Variants in KIRREL3 observed in about 807,000 individuals in gnomAD.
The protein encoded by KIRREL3 is kirre like nephrin family adhesion molecule 3.
KIRREL3 carries 36 observed loss-of-function variants against 89.7 expected under a neutral mutation model. That is an observed-to-expected ratio of 0.40 (90% CI 0.31 to 0.53). The LOEUF (loss-of-function observed/expected upper bound fraction) is 0.53. Ranked by LOEUF, KIRREL3 falls within the 20% of genes least tolerant of loss-of-function variation. The probability of loss-of-function intolerance (pLI) is 0.49; values close to 1 mark genes in which losing one functional copy is unlikely to be tolerated. For missense variants in KIRREL3, 864 were observed against 1,056.6 expected, an observed-to-expected ratio of 0.82 and a Z score of 2.53; for synonymous variants, 445 against 441.4, an observed-to-expected ratio of 1.01 and a Z score of -0.10.
At chr11:126,833,375 G>T (rs912051685) in intron 1 of KIRREL3, among the ~76,000 whole-genome samples, 1 of 152,184 alleles carries the variant, frequency 6.6e-6, no homozygotes, top group East Asian at 1.9e-4. Flanking sequence ...AGACCAGTTT[G>T]CCCACTGCAG....
rs776728665 is a variant in KIRREL3, at chr11:126,578,801, C to G, written c.56-15889G>C. 6.6e-6 allele frequency among the ~76,000 whole-genome samples: 1 copy of G among 152,180 alleles called. No homozygotes were observed. Among genetic ancestry groups the G allele is most frequent in the Non-Finnish European group, 1.5e-5 (1 of 68,026 alleles). ...TCCCTGGAGATGTAAAAGTTCCAGG[C>G]TCTCCTACCACACCTAGGCTGGACT... On this transcript the variant is annotated intron_variant, in intron 1 of 16. Transcript: ENST00000525144. The surrounding 1 kb of genome is among the most constrained non-coding windows in gnomAD (Gnocchi z 4.9).
At chr11:127,001,573 T>C (rs1366312949), upstream of KIRREL3, among the ~76,000 whole-genome samples, 1 of 152,050 alleles carries the variant, frequency 6.6e-6, no homozygotes, top group Non-Finnish European at 1.5e-5. Context: ...TGAGTCCAAT[T>C]GCAAAGGAGA....
intron 12 of KIRREL3, among the ~76,000 whole-genome samples, chr11:126,436,493 A>G (rs35689796): frequency 0.43 from 64,834 of 152,214 alleles, 14,580 homozygotes; most frequent in Non-Finnish European, 0.49. Context: ...TCTGGAGGCT[A>G]CTGGGCAGCT....
rs1430449735 is a variant in KIRREL3 at position 126,655,902 on chromosome 11, C to G, written c.56-92990G>C. ...ACGTGACTTTCTCTTATTTTTTGTT[C>G]CTGACACTGTTTGCACTGACTAAGA... On this transcript the variant is annotated intron_variant, in intron 1 of 16. Coordinates refer to ENST00000525144, the MANE Select transcript of KIRREL3 (RefSeq NM_032531.4). The surrounding 1 kb of genome is among the most constrained non-coding windows in gnomAD (Gnocchi z 5.0). Among the ~76,000 whole-genome samples the G allele has an allele frequency of 1.3e-5, 2 of 152,118 alleles. No homozygotes were observed. The highest frequency in any genetic ancestry group is 3.9e-4 in the East Asian group (2 of 5,178).
At chr11:126,777,653 T>C (rs185035939) in intron 1 of KIRREL3, among the ~76,000 whole-genome samples, 1 of 152,322 alleles carries the variant, frequency 6.6e-6, no homozygotes, top group Admixed American at 6.5e-5. Flanking sequence ...TTTTACCACC[T>C]ACAGGATAAA....
chr11:126,491,770 C>T lies in KIRREL3; in HGVS notation c.434-18304G>A, dbSNP rs930081600. On this transcript the variant is annotated intron_variant, in intron 4 of 16. Coordinates refer to ENST00000525144, the MANE Select transcript of KIRREL3 (RefSeq NM_032531.4). The surrounding 1 kb of genome is among the most constrained non-coding windows in gnomAD (Gnocchi z 5.5). The stretch of plus-strand genomic sequence containing the variant: ...AAGCTGGAGTTCAGTGGCATGATCT[C>T]GGCTCACTGCAACCTCCACCTCCCA... Among the ~76,000 whole-genome samples, 48 of 152,096 alleles carry T rather than the reference C, an allele frequency of 3.2e-4. No individual in the cohort carries two copies. Among genetic ancestry groups the T allele is most frequent in the South Asian group, 4.2e-4 (2 of 4,808 alleles).
chr11:126,913,432 C>T (rs539739566), intron 1 of KIRREL3, among the ~76,000 whole-genome samples: 1 of 152,334 alleles, frequency 6.6e-6, no homozygotes, highest in Non-Finnish European at 1.5e-5. Flanking sequence ...CCAATTATCT[C>T]ACTCTTAAGA....
In KIRREL3 at chr11:126,999,186, T is replaced by C. The variant is rs982670991; in HGVS notation, c.55+1269A>G. Among the ~76,000 whole-genome samples, 1 of 144,478 alleles carries C rather than the reference T, an allele frequency of 6.9e-6. No homozygotes were observed. The highest frequency in any genetic ancestry group is 1.5e-5 in the Non-Finnish European group (1 of 65,598). The allele number at this position is 144,478 out of a possible 152,430, so 94.8% of individuals were successfully genotyped here. ...TGTGTGTGTGTACATACATTATCATTATACACAGGCATTAGTATGCACATA... is the reference window on the plus strand; with the variant it reads ...TGTGTGTGTGTACATACATTATCATCATACACAGGCATTAGTATGCACATA... On this transcript the variant is annotated intron_variant, in intron 1 of 16. Transcript: ENST00000525144. The surrounding 1 kb of genome is among the most constrained non-coding windows in gnomAD (Gnocchi z 5.7).
At position 126,509,773 on chromosome 11, in the gene KIRREL3, A is replaced by G. The variant is rs182242434; in HGVS notation, c.433+11542T>C. On this transcript the variant is annotated intron_variant, in intron 4 of 16. Transcript: ENST00000525144. Reference sequence around the variant, plus strand: ...CACTTTGGGAGGCCAAGGCGGGGGAATCACCTGAGGTCAGGAGTTCAAGAC... The same window carrying G: ...CACTTTGGGAGGCCAAGGCGGGGGAGTCACCTGAGGTCAGGAGTTCAAGAC... Among the ~76,000 whole-genome samples the G allele has an allele frequency of 2.1e-4, 32 of 152,256 alleles. No homozygotes were observed. The East Asian group carries it at 5.0e-3, about 24-fold the overall frequency.
At chr11:126,922,945 C>T (rs1947414149) in intron 1 of KIRREL3, among the ~76,000 whole-genome samples, 1 of 152,194 alleles carries the variant, frequency 6.6e-6, no homozygotes, top group Non-Finnish European at 1.5e-5. Context: ...GACTCTGAGT[C>T]CCTGTGACCA....
In KIRREL3 at chr11:126,454,127, C is replaced by T. The variant is rs116686287; in HGVS notation, c.848+2222G>A. On this transcript the variant is annotated intron_variant, in intron 7 of 16. Transcript: ENST00000525144. The surrounding 1 kb of genome is among the most constrained non-coding windows in gnomAD (Gnocchi z 5.8). ...TTCACCAGCTGTTAACATTTTCTCA[C>T]GCGTGCTTTGCGGAGACCTCTCCTC... Among the ~76,000 whole-genome samples the T allele has an allele frequency of 0.012, 1,835 of 152,252 alleles. 35 individuals are homozygous for T. Among genetic ancestry groups the T allele is most frequent in the Admixed American group, 0.047 (715 of 15,296 alleles).
Position 126,768,195 on chromosome 11 carries a change from A to G in KIRREL3, c.56-205283T>C, listed in dbSNP as rs1010876456. On this transcript the variant is annotated intron_variant, in intron 1 of 16. Coordinates refer to ENST00000525144, the MANE Select transcript of KIRREL3 (RefSeq NM_032531.4). The surrounding 1 kb of genome is among the most constrained non-coding windows in gnomAD (Gnocchi z 4.5). Reference sequence around the variant, plus strand: ...AATCCATCCATCCATCCATCCATCCATCCATCCATCCATCCATCCATCCAT... The same window carrying G: ...AATCCATCCATCCATCCATCCATCCGTCCATCCATCCATCCATCCATCCAT... Among the ~76,000 whole-genome samples, 4 of 149,372 alleles carry G rather than the reference A, an allele frequency of 2.7e-5. No individual in the cohort carries two copies. The highest frequency in any genetic ancestry group is 5.9e-5 in the Non-Finnish European group (4 of 67,598).
intron 1 of KIRREL3, among the ~76,000 whole-genome samples, chr11:126,625,522 A>C (rs1450997475): frequency 1.3e-5 from 2 of 152,066 alleles, no homozygotes; most frequent in African/African-American, 4.8e-5. Flanking sequence ...AAACAAGACA[A>C]ATCCAATCTT....
chr11:126,947,401 T>C (rs1196794907), intron 1 of KIRREL3, among the ~76,000 whole-genome samples: 1 of 152,180 alleles, frequency 6.6e-6, no homozygotes, highest in Non-Finnish European at 1.5e-5. Flanking sequence ...TTGAAAACAT[T>C]TGCTGCACTA....
intron 1 of KIRREL3, among the ~76,000 whole-genome samples, chr11:126,746,257 C>T (rs1042703762): frequency 6.6e-6 from 1 of 152,212 alleles, no homozygotes; most frequent in Admixed American, 6.5e-5. Context: ...ATGATGGGCC[C>T]TTGCCTTTAA....
chr11:126,684,288 CG>C lies in KIRREL3; in HGVS notation c.56-121377del, dbSNP rs1946584770. ...GGACCCATTTCTGCCCTTCTGAAAGCGGGAGTTAGACTAGATTGGGGCTTTC... is the reference window on the plus strand; with the variant it reads ...GGACCCATTTCTGCCCTTCTGAAAGCGGAGTTAGACTAGATTGGGGCTTTC... On this transcript the variant is annotated intron_variant, in intron 1 of 16. Transcript: ENST00000525144. This position sits in a 1 kb window ranked among gnomAD's most constrained non-coding sequence, Gnocchi z 4.2. Among the ~76,000 whole-genome samples, 1 of 152,212 alleles carries C rather than the reference CG, an allele frequency of 6.6e-6. No individual in the cohort carries two copies. Among genetic ancestry groups the C allele is most frequent in the Admixed American group, 6.5e-5 (1 of 15,288 alleles).
chr11:126,868,067 GGGT>G (rs1383479878), intron 1 of KIRREL3, among the ~76,000 whole-genome samples: 2 of 119,148 alleles, frequency 1.7e-5, no homozygotes, highest in African/African-American at 6.3e-5. Context: ...TGGGGGTGGG[GGGT>G]GGGTGTGAAG....
At chr11:126,980,141 T>C (rs1220100909) in intron 1 of KIRREL3, among the ~76,000 whole-genome samples, 1 of 152,196 alleles carries the variant, frequency 6.6e-6, no homozygotes, top group Non-Finnish European at 1.5e-5. Flanking sequence ...CCTTGAAATA[T>C]GAAGCGTATT....
rs530548520 is a variant in KIRREL3 at position 126,683,057 on chromosome 11, T to A, written c.56-120145A>T. Among the ~76,000 whole-genome samples, 1 of 152,282 alleles carries A rather than the reference T, an allele frequency of 6.6e-6. No individual in the cohort carries two copies. Among genetic ancestry groups the A allele is most frequent in the African/African-American group, 2.4e-5 (1 of 41,554 alleles). On this transcript the variant is annotated intron_variant, in intron 1 of 16. Coordinates refer to ENST00000525144, the MANE Select transcript of KIRREL3 (RefSeq NM_032531.4). The surrounding 1 kb of genome is among the most constrained non-coding windows in gnomAD (Gnocchi z 5.2). ...TTTTATTAGAGATGAGGTCTCACCA[T>A]GTTGCCTAGGCTGGTTTTGACCCCC...
Sources: allele counts gnomAD v4.1 joint callset (sites outside exome capture counted in the v4.1 genomes callset), GRCh38; gene constraint gnomAD v4.1.1; non-coding constraint Gnocchi (gnomAD v3.1); transcripts MANE v1.5; gene names NCBI Gene and HGNC (gene_info 2026-07-23, HGNC 2026-07-21).